Variants in ANO2 observed in about 807,000 individuals in gnomAD.
ANO2 encodes the protein anoctamin-2.
A neutral mutation model predicts 124.2 loss-of-function variants in ANO2; 101 were observed. That is an observed-to-expected ratio of 0.81 (90% CI 0.69 to 0.96). The LOEUF (loss-of-function observed/expected upper bound fraction) is 0.96. Ranked by LOEUF, ANO2 falls within the 40% of genes least tolerant of loss-of-function variation. The pLI, the probability that ANO2 is intolerant of heterozygous loss-of-function variation, is 0.00. For synonymous variants in ANO2, 486 were observed against 482.5 expected (o/e 1.01, Z -0.09); for missense variants, 1,293 against 1,274.5 (o/e 1.01, Z -0.22).
chr12:5,781,313 C>T (rs1292081463), intron 10 of ANO2, among the ~76,000 whole-genome samples: 1 of 152,238 alleles, frequency 6.6e-6, no homozygotes, highest in East Asian at 1.9e-4. Flanking sequence ...ATATTCCATA[C>T]ATACTCCTCA....
At chr12:5,913,039 G>A (rs972054227) in intron 3 of ANO2, among the ~76,000 whole-genome samples, 3 of 152,114 alleles carry the variant, frequency 2.0e-5, no homozygotes, top group Non-Finnish European at 4.4e-5. Context: ...TGGGGGCCTG[G>A]AGATCCCCAT....
rs545243280 is a variant in ANO2 at position 5,684,850 on chromosome 12, G to T, written c.1546-37049C>A. ...GCTGGTGCTAAAACAGTGGTTCACA[G>T]CACAGGTGCTGGAGTCAGGGGTCCT... On this transcript the variant is annotated intron_variant, in intron 14 of 24. Coordinates refer to ENST00000682330, the MANE Select transcript of ANO2 (RefSeq NM_001364791.2). Among the ~76,000 whole-genome samples, 5 of 152,178 alleles carry T rather than the reference G, an allele frequency of 3.3e-5. No individual in the cohort carries two copies. The East Asian group carries it at 7.7e-4, about 23-fold the overall frequency.
intron 22 of ANO2, among the ~76,000 whole-genome samples, chr12:5,577,491 A>G (rs906915454): frequency 1.3e-5 from 2 of 152,244 alleles, no homozygotes; most frequent in African/African-American, 4.8e-5. Context: ...TCTATGTCCT[A>G]TCTTAACCTA....
At chr12:5,805,397 C>T (rs141092368) in intron 9 of ANO2, among the ~76,000 whole-genome samples, 19 of 152,200 alleles carry the variant, frequency 1.2e-4, no homozygotes, top group East Asian at 3.9e-4. Context: ...AGGGGATCAT[C>T]GGTGCATCCC....
At chr12:5,786,426 G>C (rs1489146282) in intron 10 of ANO2, among the ~76,000 whole-genome samples, 1 of 152,038 alleles carries the variant, frequency 6.6e-6, no homozygotes, top group Admixed American at 6.5e-5. Flanking sequence ...CACATTAAAG[G>C]CCCTTCATTT....
chr12:5,791,499 G>C (rs554968959), intron 10 of ANO2, among the ~76,000 whole-genome samples: 146 of 152,272 alleles, frequency 9.6e-4, no homozygotes, highest in Non-Finnish European at 1.9e-3. Context: ...TTTTCCCTGG[G>C]AGATGGGTAA....
At position 5,658,535 on chromosome 12, in the gene ANO2, G is replaced by A. The variant is rs923985600; in HGVS notation, c.1546-10734C>T. ...TATAATCATCAACATCAATATCATC[G>A]TATCAAAATCAATATAATCACCAAC... On this transcript the variant is annotated intron_variant, in intron 14 of 24. Transcript: ENST00000682330. This position sits in a 1 kb window ranked among gnomAD's most constrained non-coding sequence, Gnocchi z 4.3. Among the ~76,000 whole-genome samples, 19 of 151,292 alleles carry A rather than the reference G, an allele frequency of 1.3e-4. No individual in the cohort carries two copies. Among genetic ancestry groups the A allele is most frequent in the South Asian group, 6.3e-4 (3 of 4,774 alleles).
At chr12:5,819,447 G>A (rs1953714899) in intron 7 of ANO2, among the ~76,000 whole-genome samples, 1 of 152,202 alleles carries the variant, frequency 6.6e-6, no homozygotes, top group Non-Finnish European at 1.5e-5. Context: ...ATTAAGTAGG[G>A]ACTCTGCATT....
chr12:5,851,960 C>G (rs747188843), intron 4 of ANO2: 6 of 741,152 alleles, frequency 8.1e-6, no homozygotes, highest in South Asian at 4.3e-5. Flanking sequence ...TGCTCACCTC[C>G]TTTCCAAGGA....
At chr12:5,578,782 T>G (rs1942572190) in intron 20 of ANO2, among the ~76,000 whole-genome samples, 1 of 152,258 alleles carries the variant, frequency 6.6e-6, no homozygotes, top group Admixed American at 6.5e-5. Flanking sequence ...TCTTAATTGC[T>G]TCCTTTACCC....
At chr12:5,642,619 C>T (rs1269098522) in intron 15 of ANO2, among the ~76,000 whole-genome samples, 1 of 152,194 alleles carries the variant, frequency 6.6e-6, no homozygotes, top group Admixed American at 6.5e-5. Flanking sequence ...CATTTTCTCA[C>T]CCCAGCAGCC....
At chr12:5,690,478 G>A (rs1253864428) in intron 14 of ANO2, among the ~76,000 whole-genome samples, 1 of 152,174 alleles carries the variant, frequency 6.6e-6, no homozygotes, top group Non-Finnish European at 1.5e-5. Context: ...GCCAGCTATG[G>A]ATTCCTGAAA....
At chr12:5,909,288 A>C (rs1335129028) in intron 3 of ANO2, among the ~76,000 whole-genome samples, 1 of 152,220 alleles carries the variant, frequency 6.6e-6, no homozygotes, top group African/African-American at 2.4e-5. Flanking sequence ...GCAAGGGGTA[A>C]CAGCTTCCAA....
chr12:5,897,126 C>T (rs1939845179), intron 3 of ANO2, among the ~76,000 whole-genome samples: 1 of 151,702 alleles, frequency 6.6e-6, no homozygotes, highest in South Asian at 2.1e-4. Context: ...GATGCAGAGA[C>T]ATGAGAGGTG....
At chr12:5,741,492 T>C (rs1951092839) in intron 12 of ANO2, among the ~76,000 whole-genome samples, 1 of 152,178 alleles carries the variant, frequency 6.6e-6, no homozygotes, top group Non-Finnish European at 1.5e-5. Context: ...CTCCTCTTCC[T>C]ACCGCTCCTT....
intron 4 of ANO2, chr12:5,851,853 C>CGG (rs1954921638): frequency 1.4e-6 from 1 of 695,970 alleles, no homozygotes; most frequent in African/African-American, 1.8e-5. Flanking sequence ...AATAAGCAAG[C>CGG]GGAGGTTGAA....
intron 14 of ANO2, among the ~76,000 whole-genome samples, chr12:5,711,077 G>A (rs1275423126): frequency 1.3e-5 from 2 of 151,542 alleles, no homozygotes; most frequent in African/African-American, 2.4e-5. Flanking sequence ...AGAATGGCAT[G>A]AACCTGGGAG....
chr12:5,856,987 T>C (rs1230244444), intron 3 of ANO2, among the ~76,000 whole-genome samples: 4 of 152,326 alleles, frequency 2.6e-5, no homozygotes, highest in East Asian at 3.9e-4. Context: ...CCTTTCATGC[T>C]GTGCAATATT....
chr12:5,724,288 T>C lies in ANO2; in HGVS notation c.1545+8232A>G, dbSNP rs564232852. 4.0e-3 allele frequency among the ~76,000 whole-genome samples: 607 copies of C among 152,256 alleles called. 4 individuals are homozygous for C. Among genetic ancestry groups the C allele is most frequent in the Middle Eastern group, 6.8e-3 (2 of 294 alleles). ...CTAAGAAGAGGCTGCGATAATTATT[T>C]TGATTCTTTATGTTTTTGACCCTCA... On this transcript the variant is annotated intron_variant, in intron 14 of 24. Coordinates refer to ENST00000682330, the MANE Select transcript of ANO2 (RefSeq NM_001364791.2).
Sources: allele counts gnomAD v4.1 joint callset (sites outside exome capture counted in the v4.1 genomes callset), GRCh38; gene constraint gnomAD v4.1.1; non-coding constraint Gnocchi (gnomAD v3.1); transcripts MANE v1.5; gene names NCBI Gene and HGNC (gene_info 2026-07-23, HGNC 2026-07-21).